YPEL3: variants seen among roughly 807,000 people sequenced by gnomAD.
YPEL3 encodes the protein protein yippee-like 3.
A neutral mutation model predicts 17.5 loss-of-function variants in YPEL3; 5 were observed. The observed-to-expected ratio is 0.29, with a 90% CI of 0.15 to 0.60. The LOEUF (loss-of-function observed/expected upper bound fraction) is 0.60. Among genes scored for constraint, YPEL3 ranks in the 20% least tolerant of loss-of-function variants. The probability of loss-of-function intolerance (pLI) is 0.87; values close to 1 mark genes in which losing one functional copy is unlikely to be tolerated. For missense variants in YPEL3, 155 were observed against 211.4 expected (o/e 0.73, Z 1.65); for synonymous variants, 87 against 87.2 (o/e 1.00, Z 0.01).
intron 3 of YPEL3, 53 bp downstream of exon 3, chr16:30,094,736 G>T: frequency 6.6e-7 from 1 of 1,508,258 alleles, no homozygotes; most frequent in Non-Finnish European, 9.2e-7. Flanking sequence ...TCAGGAGGAG[G>T]TGTTGGAAGG....
intron 3 of YPEL3, 193 bp downstream of exon 3, chr16:30,094,596 A>G (rs1000060529): frequency 3.2e-6 from 2 of 622,728 alleles, no homozygotes; most frequent in African/African-American, 3.7e-5. Context: ...AGTGCCTGGG[A>G]GAGAAGGGAT....
intron 3 of YPEL3, chr16:30,094,454 A>G (rs1481867113): frequency 3.2e-6 from 1 of 309,548 alleles, no homozygotes; most frequent in African/African-American, 2.2e-5. Flanking sequence ...AGAGATAATA[A>G]TAGCTTCTAC....
chr16:30,093,743 ATTTT>A (rs1209936876), intron 3 of YPEL3: 2 of 131,346 alleles, frequency 1.5e-5, no homozygotes, highest in South Asian at 2.4e-4. Flanking sequence ...CACCCAGCTG[ATTTT>A]TTTTTTTTTT....
intron 3 of YPEL3, chr16:30,093,635 G>A (rs759616012): frequency 1.5e-4 from 23 of 151,262 alleles, no homozygotes; most frequent in African/African-American, 4.9e-4. Flanking sequence ...ACGGAGTCTC[G>A]CTCTGTCTCC....
chr16:30,093,459 C>T (rs1178811364), intron 3 of YPEL3, among the ~76,000 whole-genome samples: 1 of 152,052 alleles, frequency 6.6e-6, no homozygotes, highest in African/African-American at 2.4e-5. Flanking sequence ...TGGGGTTTCA[C>T]CATGTTAGTC....
At position 30,092,612 on chromosome 16, in the gene YPEL3, G is replaced by T; in HGVS notation, c.*98C>A. 2 of 1,090,946 alleles carry T rather than the reference G, an allele frequency of 1.8e-6. No individual in the cohort carries two copies. The highest frequency in any genetic ancestry group is 2.8e-6 in the Non-Finnish European group (2 of 716,002). The allele number at this position is 1,090,946 out of a possible 1,614,324, so 67.6% of individuals were successfully genotyped here. A position where few individuals can be genotyped will look rare whatever the true frequency, so the allele number is the denominator to read the frequency against. On this transcript the variant is annotated 3_prime_UTR_variant, in exon 4 of 4. Transcript: ENST00000398841. ...GGAGCTAGATCCGTCCTCTGCAGGG[G>T]CTCTGAGGGTCCAGAGCTCCCTTCG...
chr16:30,095,342 C>T lies in YPEL3; in HGVS notation c.141G>A (p.Thr47=), dbSNP rs1310146106. ...GACAATCATCCAAGTAGGCCTGAAA[C>T]GTCTTGGGCTTTGAAATCCGCACCA... ...PAMVRISKPK[T]FQAYLDDCHR... Residue 47 remains threonine (T), a synonymous_variant, in exon 1 of 4, where the codon ACG becomes ACA. Coordinates refer to ENST00000398841, the MANE Select transcript of YPEL3 (RefSeq NM_031477.5). The surrounding 1 kb of genome is among the most constrained non-coding windows in gnomAD (Gnocchi z 5.4). 1.2e-6 allele frequency: 2 copies of T among 1,614,230 alleles called. No individual in the cohort carries two copies. The highest frequency in any genetic ancestry group is 8.5e-7 in the Non-Finnish European group (1 of 1,180,036).
Position 30,092,393 on chromosome 16 carries a change from G to A in YPEL3, c.*317C>T. ...ACACGCGTGGGGTAAGAAGGGCCTG[G>A]TGGGAGGAGTTCACAGAGCAGACGG... On this transcript the variant is annotated 3_prime_UTR_variant, in exon 4 of 4. Transcript: ENST00000398841. 1 of 342,560 alleles carries A rather than the reference G, an allele frequency of 2.9e-6. No homozygotes were observed. 21.2% of individuals were successfully genotyped at this position (342,560 alleles called of 1,614,324 possible). A position where few individuals can be genotyped will look rare whatever the true frequency, so the allele number is the denominator to read the frequency against.
In YPEL3 at chr16:30,095,515, C is replaced by T. The variant is rs2072783786; in HGVS notation, c.-33G>A. On this transcript the variant is annotated 5_prime_UTR_variant, in exon 1 of 4. Coordinates refer to ENST00000398841, the MANE Select transcript of YPEL3 (RefSeq NM_031477.5). This position sits in a 1 kb window ranked among gnomAD's most constrained non-coding sequence, Gnocchi z 5.4. ...ACTCCCAGAGCCGTGGGGACTCGCT[C>T]TGTCACACTGGGCTGCTCTCTCCTT... 2 of 1,449,984 alleles carry T rather than the reference C, an allele frequency of 1.4e-6. No individual in the cohort carries two copies. The highest frequency in any genetic ancestry group is 1.4e-5 in the South Asian group (1 of 72,322). 89.8% of individuals were successfully genotyped at this position (1,449,984 alleles called of 1,614,324 possible).
Position 30,095,516 on chromosome 16 carries a change from T to G in YPEL3, c.-34A>C, listed in dbSNP as rs1171205033. On this transcript the variant is annotated 5_prime_UTR_variant, in exon 1 of 4. Transcript: ENST00000398841. This position sits in a 1 kb window ranked among gnomAD's most constrained non-coding sequence, Gnocchi z 5.4. ...CTCCCAGAGCCGTGGGGACTCGCTC[T>G]GTCACACTGGGCTGCTCTCTCCTTT... 2.8e-6 allele frequency: 4 copies of G among 1,449,002 alleles called. No individual in the cohort carries two copies. In the Middle Eastern group the frequency reaches 7.6e-4, roughly 274 times the overall value. 89.8% of individuals were successfully genotyped at this position (1,449,002 alleles called of 1,614,324 possible).
At position 30,095,464 on chromosome 16, in the gene YPEL3, G is replaced by T; in HGVS notation, c.19C>A (p.Leu7Met). The change falls in exon 1 of 4, where the codon CTG becomes ATG. Residue 7 changes from leucine to methionine, a missense_variant. Physicochemically the swap from Leu to Met is conservative, Grantham distance 15. This residue lies in a region of YPEL3 where 58 missense variants were observed against 60.0 expected (regional missense o/e 0.97). Transcript: ENST00000398841. The surrounding 1 kb of genome is among the most constrained non-coding windows in gnomAD (Gnocchi z 5.4). Reference protein sequence around the residue: MCVAQVLTAHLLPPRQA... With the variant: MCVAQVMTAHLLPPRQA... Reference sequence around the variant, plus strand: ...CGGGGAGGGAGTAGGTGGGCTGTCAGGACCTGGGCCACACACATGCGAGGC... The same window carrying T: ...CGGGGAGGGAGTAGGTGGGCTGTCATGACCTGGGCCACACACATGCGAGGC... The T allele has an allele frequency of 6.4e-7, 1 of 1,550,832 alleles. No individual in the cohort carries two copies.
intron 3 of YPEL3, chr16:30,093,682 T>C (rs555375550): frequency 6.6e-6 from 1 of 151,164 alleles, no homozygotes; most frequent in South Asian, 2.1e-4. Context: ...GTTCACGCAA[T>C]TCTCCTGCCT....
chr16:30,095,406 G>A lies in YPEL3; in HGVS notation c.77C>T (p.Ala26Val). The change falls in exon 1 of 4, where the codon GCC becomes GTC. Residue 26 changes from alanine (A) to valine (V), a missense_variant. Physicochemically the swap from Ala to Val is moderately conservative, Grantham distance 64 (BLOSUM62 0). Coordinates refer to ENST00000398841, the MANE Select transcript of YPEL3 (RefSeq NM_031477.5). The surrounding 1 kb of genome is among the most constrained non-coding windows in gnomAD (Gnocchi z 5.4). The stretch of plus-strand genomic sequence containing the variant: ...GGGCAGTGGCCCCACGCGGGGAGCG[G>A]CCCACGGGGAGCAGAGGGAGCCCAG... ...QALGSLCSPW[A>V]APRVGPLPPA... 2 of 1,610,890 alleles carry A rather than the reference G, an allele frequency of 1.2e-6. No individual in the cohort carries two copies. The highest frequency in any genetic ancestry group is 1.7e-6 in the Non-Finnish European group (2 of 1,178,428).
chr16:30,094,459 T>G (rs983590852), intron 3 of YPEL3: 1 of 325,776 alleles, frequency 3.1e-6, no homozygotes, highest in Non-Finnish European at 5.8e-6. Context: ...TAATAATAGC[T>G]TCTACCTAGA....
At chr16:30,092,951 A>C (rs2072750119) in intron 3 of YPEL3, 152 bp from the exon 4 acceptor site, 2 of 630,684 alleles carry the variant, frequency 3.2e-6, no homozygotes, top group African/African-American at 3.6e-5. Context: ...ACAGAGTAGA[A>C]TAGAACTCCC....
rs2072775290 is a variant in YPEL3 at position 30,094,825 on chromosome 16, G to A, written c.348C>T (p.His116=). ...LTGLHAVADI[H]CENCKTTLGW... ...CCAAAGTGGTCTTGCAGTTCTCGCA[G>A]TGGATGTCGGCGACAGCATGGAGGC... Residue 116 remains histidine (H), a synonymous_variant, in exon 3 of 4, where the codon CAC becomes CAT. Transcript: ENST00000398841. 2 of 1,614,168 alleles carry A rather than the reference G, an allele frequency of 1.2e-6. No homozygotes were observed. The highest frequency in any genetic ancestry group is 1.7e-6 in the Non-Finnish European group (2 of 1,180,018).
At position 30,092,880 on chromosome 16, in the gene YPEL3, G is replaced by A; in HGVS notation, c.385-81C>T. Reference sequence around the variant, plus strand: ...TGGGGTTGGGAAGTGGACATGAGTGGCCCCATTTTACATATGAGGAAACTG... The same window carrying A: ...TGGGGTTGGGAAGTGGACATGAGTGACCCCATTTTACATATGAGGAAACTG... On this transcript the variant is annotated intron_variant, in intron 3 of 3. Transcript: ENST00000398841. 2 of 1,237,912 alleles carry A rather than the reference G, an allele frequency of 1.6e-6. 1 individual carries two copies. Among genetic ancestry groups the A allele is most frequent in the South Asian group, 2.4e-5 (2 of 82,420 alleles). The allele number at this position is 1,237,912 out of a possible 1,614,324, so 76.7% of individuals were successfully genotyped here.
At chr16:30,094,666 G>T in intron 3 of YPEL3, 123 bp downstream of exon 3, 1 of 892,704 alleles carries the variant, frequency 1.1e-6, no homozygotes, top group East Asian at 2.5e-5. Context: ...ATGTGGTCAG[G>T]GATGCTGACT....
chr16:30,093,657 G>A (rs2072762591), intron 3 of YPEL3: 1 of 151,388 alleles, frequency 6.6e-6, no homozygotes, highest in Non-Finnish European at 1.5e-5. Flanking sequence ...CTCACTGCAA[G>A]GCTCTGCCTC....
Sources: gnomAD v4.1 joint callset for allele counts (sites outside exome capture counted in the v4.1 genomes callset) on GRCh38, gnomAD v4.1.1 for gene constraint, gnomAD v4.1.1 regional missense constraint, Gnocchi (gnomAD v3.1) non-coding constraint, MANE v1.5 for transcripts, NCBI Gene and HGNC (gene_info 2026-07-23, HGNC 2026-07-21) for gene names.